Variants in RARB observed in about 807,000 individuals in gnomAD.
The protein encoded by RARB is HBV-activated protein.
Under a neutral mutation model 51.9 loss-of-function variants are expected in RARB, and 17 were observed. That is an observed-to-expected ratio of 0.33 (90% CI 0.22 to 0.49). The LOEUF (loss-of-function observed/expected upper bound fraction) is 0.49, where lower values mean the gene tolerates loss of function less well. Ranked by LOEUF, RARB falls within the 20% of genes least tolerant of loss-of-function variation. RARB has a pLI of 0.99. For synonymous variants in RARB, 215 were observed against 195.4 expected, an observed-to-expected ratio of 1.10 and a Z score of -0.84; for missense variants, 369 against 550.8, an observed-to-expected ratio of 0.67 and a Z score of 3.30.
chr3:25,105,783 G>A (rs1456809724), intron 3 of RARB, among the ~76,000 whole-genome samples: 2 of 152,120 alleles, frequency 1.3e-5, no homozygotes, highest in African/African-American at 4.8e-5. Flanking sequence ...TATAAGCATT[G>A]CTATTATAAA....
chr3:25,301,193 T>C (rs1038184189), intron 5 of RARB, among the ~76,000 whole-genome samples: 3 of 152,234 alleles, frequency 2.0e-5, no homozygotes, highest in African/African-American at 7.2e-5. Context: ...TGGTAGTTTT[T>C]ACTCACTATG....
At chr3:25,223,238 T>C (rs745726521) in intron 5 of RARB, among the ~76,000 whole-genome samples, 1 of 152,244 alleles carries the variant, frequency 6.6e-6, no homozygotes, top group Non-Finnish European at 1.5e-5. Context: ...TAGAATGTCA[T>C]ACATATGGAA....
intron 2 of RARB, among the ~76,000 whole-genome samples, chr3:25,496,925 C>G (rs1013626601): frequency 6.6e-6 from 1 of 152,192 alleles, no homozygotes; most frequent in Non-Finnish European, 1.5e-5. Context: ...ACTCTTGTTA[C>G]CCAAGCTGGA....
chr3:25,512,500 C>G (rs547941488), intron 3 of RARB, among the ~76,000 whole-genome samples: 1 of 152,240 alleles, frequency 6.6e-6, no homozygotes, highest in Non-Finnish European at 1.5e-5. Context: ...CTGCCCCAGC[C>G]TGTCCAACAC....
intron 5 of RARB, among the ~76,000 whole-genome samples, chr3:25,186,443 A>G (rs1486793002): frequency 6.6e-6 from 1 of 152,124 alleles, no homozygotes; most frequent in African/African-American, 2.4e-5. Flanking sequence ...TTTTACCTCT[A>G]TGTATTATTC....
At chr3:25,234,939 G>C (rs1263243675) in intron 5 of RARB, among the ~76,000 whole-genome samples, 1 of 152,102 alleles carries the variant, frequency 6.6e-6, no homozygotes, top group Non-Finnish European at 1.5e-5. Context: ...TTATGACTGG[G>C]AACATTCTTA....
chr3:25,140,651 G>A (rs1700094001), intron 4 of RARB, among the ~76,000 whole-genome samples: 1 of 152,224 alleles, frequency 6.6e-6, no homozygotes, highest in Non-Finnish European at 1.5e-5. Context: ...TAAAGCAATA[G>A]CAGAGGTTGA....
At chr3:25,413,633 C>G (rs1010605416) in intron 5 of RARB, among the ~76,000 whole-genome samples, 5 of 151,374 alleles carry the variant, frequency 3.3e-5, no homozygotes, top group Non-Finnish European at 5.9e-5. Flanking sequence ...CACATCTTCA[C>G]CAACCCTTGG....
At chr3:25,279,384 G>A (rs1703468536) in intron 5 of RARB, among the ~76,000 whole-genome samples, 1 of 152,078 alleles carries the variant, frequency 6.6e-6, no homozygotes, top group Admixed American at 6.6e-5. Flanking sequence ...TAAGCATAAT[G>A]GGTGCTTAAT....
intron 5 of RARB, among the ~76,000 whole-genome samples, chr3:25,223,800 C>T (rs1301162376): frequency 1.3e-5 from 2 of 152,122 alleles, no homozygotes; most frequent in Non-Finnish European, 2.9e-5. Context: ...TTTCAGTTTC[C>T]TTTCAGATCT....
chr3:25,490,818 G>A, intron 2 of RARB, among the ~76,000 whole-genome samples: 1 of 151,994 alleles, frequency 6.6e-6, no homozygotes, highest in Admixed American at 6.6e-5. Context: ...ACCAAGGAAG[G>A]GCACAAAATA....
intron 2 of RARB, among the ~76,000 whole-genome samples, chr3:24,906,862 A>AAAAGC (rs1694878053): frequency 6.6e-6 from 1 of 150,996 alleles, no homozygotes; most frequent in Non-Finnish European, 1.5e-5. Context: ...AAAAAAAAAA[A>AAAAGC]AAAGCAAAAA....
chr3:25,038,098 G>T (rs1021736797), intron 2 of RARB, among the ~76,000 whole-genome samples: 12 of 152,202 alleles, frequency 7.9e-5, no homozygotes, highest in African/African-American at 2.9e-4. Context: ...CCACTTTAAA[G>T]CATAGCCTAC....
intron 5 of RARB, among the ~76,000 whole-genome samples, chr3:25,289,877 C>T (rs909722123): frequency 3.9e-5 from 6 of 152,004 alleles, no homozygotes; most frequent in Non-Finnish European, 7.4e-5. Flanking sequence ...AACCGGAGAC[C>T]CTAAGACTTT....
At chr3:25,315,348 C>T (rs571912323) in intron 5 of RARB, among the ~76,000 whole-genome samples, 2 of 152,224 alleles carry the variant, frequency 1.3e-5, no homozygotes, top group Admixed American at 6.5e-5. Context: ...AGAAAGCACT[C>T]GTAACTATTT....
intron 2 of RARB, among the ~76,000 whole-genome samples, chr3:24,987,796 T>A (rs1156278138): frequency 6.6e-6 from 1 of 152,228 alleles, no homozygotes; most frequent in Non-Finnish European, 1.5e-5. Flanking sequence ...CCTATTTGAA[T>A]GAACCCTCCT....
chr3:25,273,697 T>G (rs1303522941), intron 5 of RARB, among the ~76,000 whole-genome samples: 1 of 152,246 alleles, frequency 6.6e-6, no homozygotes, highest in Non-Finnish European at 1.5e-5. Flanking sequence ...TGCTTATGGT[T>G]TCATATTGCC....
At chr3:25,062,674 T>G (rs1160084056) in intron 3 of RARB, among the ~76,000 whole-genome samples, 1 of 151,940 alleles carries the variant, frequency 6.6e-6, no homozygotes, top group Non-Finnish European at 1.5e-5. Flanking sequence ...AAACACATAT[T>G]GTATGATTCT....
chr3:25,391,747 T>A (rs1357689393), intron 5 of RARB, among the ~76,000 whole-genome samples: 2 of 152,190 alleles, frequency 1.3e-5, no homozygotes, highest in Non-Finnish European at 2.9e-5. Flanking sequence ...TGTCTGTTTT[T>A]TCTCGCTGAT....
Sources: gnomAD v4.1 joint callset for allele counts (sites outside exome capture counted in the v4.1 genomes callset) on GRCh38, gnomAD v4.1.1 for gene constraint, MANE v1.5 for transcripts, NCBI Gene and HGNC (gene_info 2026-07-23, HGNC 2026-07-21) for gene names.